Variants in DOCK2 observed in about 807,000 individuals in gnomAD.
DOCK2 encodes the protein dedicator of cytokinesis 2, also known as dedicator of cytokinesis protein 2.
A neutral mutation model predicts 248.9 loss-of-function variants in DOCK2; 87 were observed. That is an observed-to-expected ratio of 0.35 (90% confidence interval 0.29 to 0.42). The LOEUF (loss-of-function observed/expected upper bound fraction) is 0.42. DOCK2 is among the 10% of genes least tolerant of loss of function. The pLI is 1.00. For synonymous variants in DOCK2, 805 were observed against 821.6 expected (o/e 0.98, Z 0.35); for missense variants, 1,747 against 2,300.2 (o/e 0.76, Z 4.92).
intron 1 of DOCK2, among the ~76,000 whole-genome samples, chr5:169,650,229 A>T (rs967944050): frequency 6.6e-6 from 1 of 152,200 alleles, no homozygotes; most frequent in African/African-American, 2.4e-5. Context: ...AGATGTTCAC[A>T]TGGATATCTG....
chr5:169,782,674 T>A (rs986233045), intron 25 of DOCK2, among the ~76,000 whole-genome samples: 1 of 152,072 alleles, frequency 6.6e-6, no homozygotes, highest in South Asian at 2.1e-4. Context: ...TCAACAGCCA[T>A]GTAGGTCTTC....
chr5:170,022,421 T>G (rs1419022408), intron 33 of DOCK2, among the ~76,000 whole-genome samples: 1 of 152,148 alleles, frequency 6.6e-6, no homozygotes, highest in Non-Finnish European at 1.5e-5. Flanking sequence ...TTTCCCTGTC[T>G]CACCTCTCAC....
In DOCK2 at chr5:170,027,181, A is replaced by G. The variant is rs947738243; in HGVS notation, c.3382-682A>G. On this transcript the variant is annotated intron_variant, in intron 33 of 51. Transcript: ENST00000520908. ...AAGACTCATTTTGCTAAGAGGTCCA[A>G]TAAAGCCTCAGATTTAGGGTCTCAC... 3.9e-5 allele frequency among the ~76,000 whole-genome samples: 6 copies of G among 152,190 alleles called. No homozygotes were observed. In the South Asian group the frequency reaches 1.2e-3, roughly 32 times the overall value.
chr5:170,040,127 C>T (rs1309819413), intron 36 of DOCK2, among the ~76,000 whole-genome samples: 1 of 152,210 alleles, frequency 6.6e-6, no homozygotes, highest in Non-Finnish European at 1.5e-5. Context: ...TGTATTGAGC[C>T]TTTTGTAAGA....
intron 27 of DOCK2, among the ~76,000 whole-genome samples, chr5:169,855,370 A>G (rs1407113585): frequency 2.6e-5 from 4 of 152,192 alleles, no homozygotes; most frequent in Non-Finnish European, 5.9e-5. Flanking sequence ...TTGCAAAGTT[A>G]CTGATATGTA....
At position 170,051,492 on chromosome 5, in the gene DOCK2, C is replaced by T. The variant is rs1051732297; in HGVS notation, c.4213+1095C>T. 2.6e-5 allele frequency among the ~76,000 whole-genome samples: 4 copies of T among 152,206 alleles called. No individual in the cohort carries two copies. In the South Asian group the frequency reaches 8.3e-4, roughly 31 times the overall value. ...ACTAGCTGTCTCTTACCCATCAGATCCTAGCTTGGCGTCACCTTCTGGAAG... is the reference window on the plus strand; with the variant it reads ...ACTAGCTGTCTCTTACCCATCAGATTCTAGCTTGGCGTCACCTTCTGGAAG... On this transcript the variant is annotated intron_variant, in intron 41 of 51. Coordinates refer to ENST00000520908, the MANE Select transcript of DOCK2 (RefSeq NM_004946.3).
rs193044324 is a variant in DOCK2 at position 169,841,635 on chromosome 5, C to G, written c.2799+783C>G. 51 of 193,256 alleles carry G rather than the reference C, an allele frequency of 2.6e-4. 1 individual carries two copies. Among genetic ancestry groups the G allele is most frequent in the African/African-American group, 1.2e-3 (49 of 42,250 alleles). 12.0% of individuals were successfully genotyped at this position (193,256 alleles called of 1,614,324 possible). A position where few individuals can be genotyped will look rare whatever the true frequency, so the allele number is the denominator to read the frequency against. On this transcript the variant is annotated intron_variant, in intron 27 of 51. Transcript: ENST00000520908. ...TTATGTGTTCCTCCCACATATAAAA[C>G]ATGATAGATGTGCTGTTTCCCTTTT...
At chr5:169,660,817 C>T (rs566588901) in intron 2 of DOCK2, among the ~76,000 whole-genome samples, 15 of 152,302 alleles carry the variant, frequency 9.8e-5, no homozygotes, top group African/African-American at 3.1e-4. Context: ...CCATTTTCTT[C>T]AGTAAGGCTG....
intron 27 of DOCK2, among the ~76,000 whole-genome samples, chr5:169,878,420 A>AAAAATTGTATTTAAATTT (rs1772451851): frequency 6.6e-6 from 1 of 152,254 alleles, no homozygotes; most frequent in Non-Finnish European, 1.5e-5. Context: ...TGCATCAATT[A>AAAAATTGTATTTAAATTT]CAAAAAGTAT....
chr5:169,955,325 C>T (rs566714309), intron 27 of DOCK2, among the ~76,000 whole-genome samples: 12 of 152,080 alleles, frequency 7.9e-5, no homozygotes, highest in Non-Finnish European at 1.5e-4. Context: ...TAGGAAGGTT[C>T]TGGGCCCAAA....
rs1311329317 is a variant in DOCK2, at chr5:169,840,767, A to G, written c.2714A>G (p.Tyr905Cys). 2 of 1,613,874 alleles carry G rather than the reference A, an allele frequency of 1.2e-6. No homozygotes were observed. Among genetic ancestry groups the G allele is most frequent in the African/African-American group, 1.3e-5 (1 of 74,992 alleles). Reference sequence around the variant, plus strand: ...CTGACTGTTTTACAGGCCTTCACCTACCACCATATCCAGGAGATCATGGTC... The same window carrying G: ...CTGACTGTTTTACAGGCCTTCACCTGCCACCATATCCAGGAGATCATGGTC... ...VLSYQDAAFT[Y>C]HHIQEIMVQL... The change falls in exon 27 of 52, where the codon TAC (tyrosine) becomes TGC (cysteine). Residue 905 changes from tyrosine to cysteine, a missense_variant. Tyr to Cys is a radical substitution (Grantham distance 194, BLOSUM62 -2). Coordinates refer to ENST00000520908, the MANE Select transcript of DOCK2 (RefSeq NM_004946.3).
chr5:169,798,921 T>A (rs77319017), intron 25 of DOCK2, among the ~76,000 whole-genome samples: 3 of 152,368 alleles, frequency 2.0e-5, no homozygotes, highest in Non-Finnish European at 4.4e-5. Flanking sequence ...CACAAAAAGC[T>A]ATTTTAAGCC....
chr5:169,915,730 A>G (rs555064060), intron 27 of DOCK2, among the ~76,000 whole-genome samples: 1 of 152,294 alleles, frequency 6.6e-6, no homozygotes, highest in South Asian at 2.1e-4. Context: ...CAATTCAGCC[A>G]TTTTAAACCA....
At chr5:169,818,163 T>G (rs891175342) in intron 26 of DOCK2, among the ~76,000 whole-genome samples, 1 of 152,144 alleles carries the variant, frequency 6.6e-6, no homozygotes, top group African/African-American at 2.4e-5. Flanking sequence ...GGGCAGAGAT[T>G]AGAGCTCACA....
At chr5:169,916,818 A>G (rs1774898073) in intron 27 of DOCK2, among the ~76,000 whole-genome samples, 2 of 152,204 alleles carry the variant, frequency 1.3e-5, no homozygotes. Flanking sequence ...TTTTCAGTTG[A>G]GAAAACTGGA....
chr5:169,855,021 G>A (rs1346903282), intron 27 of DOCK2, among the ~76,000 whole-genome samples: 1 of 152,188 alleles, frequency 6.6e-6, no homozygotes, highest in Non-Finnish European at 1.5e-5. Flanking sequence ...GGAGTTAGGA[G>A]CCCAGGCTCC....
chr5:169,729,922 T>G (rs572670198), intron 22 of DOCK2, among the ~76,000 whole-genome samples: 1 of 152,224 alleles, frequency 6.6e-6, no homozygotes, highest in African/African-American at 2.4e-5. Context: ...CCTCAGAATG[T>G]TATTGTGAGG....
chr5:170,001,140 G>A (rs1160600701), intron 30 of DOCK2, among the ~76,000 whole-genome samples: 1 of 152,080 alleles, frequency 6.6e-6, no homozygotes, highest in Non-Finnish European at 1.5e-5. Flanking sequence ...TCCACACCTG[G>A]GACCTTCCAC....
At chr5:169,699,857 C>CT (rs1760863187) in intron 12 of DOCK2, among the ~76,000 whole-genome samples, 157 bp from the exon 13 acceptor site, 1 of 152,216 alleles carries the variant, frequency 6.6e-6, no homozygotes, top group African/African-American at 2.4e-5. Flanking sequence ...CAGAGATCGC[C>CT]TGTTCCAGAG....
Sources: gnomAD v4.1 joint callset for allele counts (sites outside exome capture counted in the v4.1 genomes callset) on GRCh38, gnomAD v4.1.1 for gene constraint, MANE v1.5 for transcripts, NCBI Gene and HGNC (gene_info 2026-07-23, HGNC 2026-07-21) for gene names.